Variants in SLC25A26 observed in about 807,000 individuals in gnomAD.
SLC25A26 encodes solute carrier family 25 member 26, also known as mitochondrial S-adenosylmethionine carrier protein.
SLC25A26 carries 36 observed loss-of-function variants against 37.8 expected under a neutral mutation model. The ratio of observed to expected loss-of-function variants is 0.95; its 90% CI spans 0.73 to 1.26. SLC25A26 has a LOEUF of 1.26. SLC25A26 is among the 50% of genes most tolerant of loss of function. SLC25A26 has a pLI of 0.00. For missense variants in SLC25A26, 390 were observed against 331.1 expected, an observed-to-expected ratio of 1.18 and a Z score of -1.38; for synonymous variants, 129 against 122.5, an observed-to-expected ratio of 1.05 and a Z score of -0.35.
At chr3:66,165,988 G>A (rs1186538218) in intron 1 of SLC25A26, among the ~76,000 whole-genome samples, 1 of 150,724 alleles carries the variant, frequency 6.6e-6, no homozygotes, top group African/African-American at 2.4e-5. Flanking sequence ...ACACTTTCTG[G>A]CATCCAGAAA....
At chr3:66,210,598 T>G (rs2071272225) in intron 1 of SLC25A26, among the ~76,000 whole-genome samples, 1 of 152,134 alleles carries the variant, frequency 6.6e-6, no homozygotes, top group Non-Finnish European at 1.5e-5. Context: ...CACTGCAGCC[T>G]TGACCTCCAG....
chr3:66,260,372 G>T (rs1392239410), intron 3 of SLC25A26, among the ~76,000 whole-genome samples: 1 of 152,198 alleles, frequency 6.6e-6, no homozygotes, highest in Non-Finnish European at 1.5e-5. Context: ...GGAAAAATAT[G>T]TTGGCCCAAG....
At chr3:66,175,136 TATATACAC>T (rs1204762003) in intron 1 of SLC25A26, among the ~76,000 whole-genome samples, 15 of 64,966 alleles carry the variant, frequency 2.3e-4, no homozygotes, top group African/African-American at 1.1e-3. Flanking sequence ...TATATATATA[TATATACAC>T]ACACACACAC....
intron 1 of SLC25A26, among the ~76,000 whole-genome samples, chr3:66,229,039 T>C (rs1553662082): frequency 6.6e-6 from 1 of 152,238 alleles, no homozygotes; most frequent in East Asian, 1.9e-4. Context: ...GAATGTCATC[T>C]TCAGTGTTTG....
intron 1 of SLC25A26, among the ~76,000 whole-genome samples, chr3:66,178,849 C>A (rs982821627): frequency 2.0e-5 from 3 of 152,066 alleles, no homozygotes; most frequent in African/African-American, 7.2e-5. Context: ...AAGAATGATA[C>A]CGTCAGGTAT....
At chr3:66,212,436 G>A (rs917358317) in intron 1 of SLC25A26, among the ~76,000 whole-genome samples, 1 of 151,994 alleles carries the variant, frequency 6.6e-6, no homozygotes. Flanking sequence ...ATTCATTATT[G>A]TTGTGCCTAA....
chr3:66,156,862 G>T (rs1285350225), intron 1 of SLC25A26, among the ~76,000 whole-genome samples: 1 of 152,010 alleles, frequency 6.6e-6, no homozygotes, highest in African/African-American at 2.4e-5. Context: ...TTCAACTTTA[G>T]GCCTCTTAGA....
intron 1 of SLC25A26, among the ~76,000 whole-genome samples, chr3:66,167,425 T>C (rs941482377): frequency 6.6e-6 from 1 of 151,638 alleles, no homozygotes; most frequent in Non-Finnish European, 1.5e-5. Context: ...TGAGAGAGAA[T>C]AGTAAGAGAG....
chr3:66,255,950 C>G (rs782580193), intron 3 of SLC25A26, among the ~76,000 whole-genome samples: 6 of 152,104 alleles, frequency 3.9e-5, no homozygotes, highest in African/African-American at 1.2e-4. Flanking sequence ...AGAGGCTTTT[C>G]AAAGTTTTTC....
At chr3:66,265,838 G>C (rs2073725741) in intron 5 of SLC25A26, among the ~76,000 whole-genome samples, 1 of 152,202 alleles carries the variant, frequency 6.6e-6, no homozygotes, top group Non-Finnish European at 1.5e-5. Context: ...CTTAGTTTCT[G>C]ACTCACTAAA....
At chr3:66,306,407 T>A (rs980958833) in intron 5 of SLC25A26, among the ~76,000 whole-genome samples, 6 of 152,242 alleles carry the variant, frequency 3.9e-5, no homozygotes, top group African/African-American at 1.4e-4. Flanking sequence ...GCTGCATGAA[T>A]GTCTTCTTTT....
At chr3:66,204,647 G>C (rs923149354) in intron 1 of SLC25A26, among the ~76,000 whole-genome samples, 7 of 152,040 alleles carry the variant, frequency 4.6e-5, no homozygotes, top group Non-Finnish European at 1.0e-4. Flanking sequence ...TATATTCCTA[G>C]AGTCAGAACA....
intron 7 of SLC25A26, among the ~76,000 whole-genome samples, chr3:66,369,025 CAAAAAAAAAAAAAAAAAACAAAAACAA>C (rs1195868182): frequency 3.0e-5 from 1 of 32,960 alleles, no homozygotes; most frequent in Non-Finnish European, 5.4e-5. Context: ...CCTGTCTTTT[CAAAAAAAAAAAAAAAAAACAAAAACAA>C]AAAAAAAAAA....
rs566321291 is a variant in SLC25A26, at chr3:66,284,731, A to C, written c.453+21352A>C. Among the ~76,000 whole-genome samples, 167 of 152,358 alleles carry C rather than the reference A, an allele frequency of 1.1e-3. 1 individual carries two copies. The highest frequency in any genetic ancestry group is 2.1e-3 in the Non-Finnish European group (140 of 68,042). ...TCATATAGGGTAAGTGCTCATACAC[A>C]GTTCAGAAGCAGTGCTTGCCACATT... is the stretch of plus-strand genomic sequence containing the variant. On this transcript the variant is annotated intron_variant, in intron 5 of 9. Transcript: ENST00000354883.
chr3:66,310,819 C>T (rs540875704), intron 5 of SLC25A26, among the ~76,000 whole-genome samples: 37 of 152,290 alleles, frequency 2.4e-4, no homozygotes, highest in African/African-American at 8.4e-4. Flanking sequence ...GAATATTGGC[C>T]TTTACTCTCT....
chr3:66,289,095 T>A (rs888011533), intron 5 of SLC25A26, among the ~76,000 whole-genome samples: 5 of 152,264 alleles, frequency 3.3e-5, no homozygotes, highest in African/African-American at 4.8e-5. Context: ...GAGCATTTTT[T>A]CATATGTTTG....
At chr3:66,140,320 G>T (rs564643340) in intron 1 of SLC25A26, among the ~76,000 whole-genome samples, 1 of 152,302 alleles carries the variant, frequency 6.6e-6, no homozygotes, top group East Asian at 1.9e-4. Flanking sequence ...TGAGTCATGT[G>T]CTCATCCTGT....
intron 1 of SLC25A26, among the ~76,000 whole-genome samples, chr3:66,170,507 A>T (rs1419971578): frequency 6.6e-6 from 1 of 152,226 alleles, no homozygotes; most frequent in African/African-American, 2.4e-5. Flanking sequence ...ACTATATGCC[A>T]AGCACTGTTG....
intron 5 of SLC25A26, among the ~76,000 whole-genome samples, chr3:66,312,071 G>A (rs2075394583): frequency 6.6e-6 from 1 of 152,236 alleles, no homozygotes; most frequent in African/African-American, 2.4e-5. Flanking sequence ...GAACAGTTAA[G>A]TCTGCTGAAG....
Sources: gnomAD v4.1 joint callset for allele counts (sites outside exome capture counted in the v4.1 genomes callset) on GRCh38, gnomAD v4.1.1 for gene constraint, MANE v1.5 for transcripts, NCBI Gene and HGNC (gene_info 2026-07-23, HGNC 2026-07-21) for gene names.